The following UGP2 variants were observed in gnomAD, a reference collection of about 807,000 sequenced individuals.
UGP2 encodes UDP-glucose pyrophosphorylase 2.
UGP2 carries 40 observed loss-of-function variants against 49.0 expected under a neutral mutation model. That is an observed-to-expected ratio of 0.82 (90% confidence interval 0.63 to 1.06). The LOEUF (loss-of-function observed/expected upper bound fraction) is 1.06. Ranked by LOEUF, UGP2 falls within the 50% of genes least tolerant of loss-of-function variation. The pLI is 0.00. For synonymous variants in UGP2, 225 were observed against 213.0 expected (o/e 1.06, Z -0.49); for missense variants, 460 against 603.5 (o/e 0.76, Z 2.49).
chr2:63,848,262 C>T (rs1363758640), intron 1 of UGP2, among the ~76,000 whole-genome samples: 1 of 152,158 alleles, frequency 6.6e-6, no homozygotes, highest in African/African-American at 2.4e-5. Context: ...ATATTTTGAA[C>T]TTGGAGTAAT....
chr2:63,869,746 C>G (rs1291522762), intron 3 of UGP2, among the ~76,000 whole-genome samples: 1 of 152,084 alleles, frequency 6.6e-6, no homozygotes, highest in African/African-American at 2.4e-5. Flanking sequence ...GTTTGGAGGA[C>G]AGTGTTGGTG....
chr2:63,874,736 G>C (rs548745713), intron 3 of UGP2, among the ~76,000 whole-genome samples: 3 of 151,756 alleles, frequency 2.0e-5, no homozygotes, highest in Admixed American at 1.3e-4. Flanking sequence ...GGTAATGAAT[G>C]AGTTCTCGTT....
intron 1 of UGP2, chr2:63,855,323 A>G: frequency 2.5e-6 from 1 of 394,046 alleles, no homozygotes; most frequent in East Asian, 7.5e-5. Flanking sequence ...AACTATTTGA[A>G]TAGAAACTTT....
In UGP2 at chr2:63,857,921, AC is replaced by A. The variant is rs1441597493; in HGVS notation, c.245del (p.Pro82LeufsTer11). 6.2e-7 allele frequency: 1 copy of A among 1,613,700 alleles called. No individual in the cohort carries two copies. The highest frequency in any genetic ancestry group is 2.2e-5 in the East Asian group (1 of 44,848). On this transcript the variant is annotated frameshift_variant, in exon 3 of 10. Transcript: ENST00000337130. LOFTEE classifies it high-confidence loss of function. ...CTGTGGATTGGGGAAAAATCCAGAGACCCCCTGAAGATTCGGTAAGTTTTAG... is the reference window on the plus strand; with the variant it reads ...CTGTGGATTGGGGAAAAATCCAGAGACCCCTGAAGATTCGGTAAGTTTTAG... ...PSVDWGKIQR[P>X]PEDSIQPYEK...
At chr2:63,886,640 G>A in intron 7 of UGP2, 102 bp downstream of exon 7, 1 of 1,328,192 alleles carries the variant, frequency 7.5e-7, no homozygotes, top group Non-Finnish European at 1.0e-6. Flanking sequence ...CTATTCCATT[G>A]GTCACTCCCT....
At chr2:63,878,265 T>C (rs1432943206) in intron 3 of UGP2, among the ~76,000 whole-genome samples, 1 of 152,106 alleles carries the variant, frequency 6.6e-6, no homozygotes, top group Non-Finnish European at 1.5e-5. Flanking sequence ...ATTATGAGAG[T>C]GGCCCACCCT....
chr2:63,862,891 A>AC, intron 3 of UGP2: 1 of 456,056 alleles, frequency 2.2e-6, no homozygotes, highest in Non-Finnish European at 4.4e-6. Flanking sequence ...AGAGTCCTTT[A>AC]CTAAGGACTT....
At chr2:63,883,481 A>G (rs1671447369) in intron 4 of UGP2, 1 of 152,560 alleles carries the variant, frequency 6.6e-6, no homozygotes, top group Non-Finnish European at 1.5e-5. Flanking sequence ...GTGTGATTCA[A>G]AATTTTTGAT....
chr2:63,883,937 C>CT, intron 4 of UGP2, 23 bp from the exon 5 acceptor site: 1 of 1,589,302 alleles, frequency 6.3e-7, no homozygotes, highest in East Asian at 2.3e-5. Flanking sequence ...TCTGGGTAAT[C>CT]TAATTGTCAT....
rs757514709 is a variant in UGP2 at position 63,890,148 on chromosome 2, C to A, written c.1382C>A (p.Ser461Ter). ...CTTGAATTGGATCACCTCACAGTTT[C>A]AGGAGATGTGACATTTGGAAAAAAT... The part of the protein sequence containing the change: ...DMLELDHLTV[S>*]GDVTFGKNVS... Residue 461 changes from serine (S) to a stop codon, truncating the protein, a stop_gained, in exon 9 of 10, where the codon TCA becomes TAA. Coordinates refer to ENST00000337130, the MANE Select transcript of UGP2 (RefSeq NM_006759.4). LOFTEE classifies it high-confidence loss of function. 8.1e-6 allele frequency: 13 copies of A among 1,611,426 alleles called. No individual in the cohort carries two copies. In the Admixed American group the frequency reaches 2.0e-4, roughly 25 times the overall value.
At chr2:63,880,829 C>T (rs1036758345) in intron 3 of UGP2, among the ~76,000 whole-genome samples, 1 of 152,194 alleles carries the variant, frequency 6.6e-6, no homozygotes, top group Non-Finnish European at 1.5e-5. Flanking sequence ...TTCTTTCCTG[C>T]CTCCCTCCTC....
chr2:63,843,421 G>A (rs150277712), intron 1 of UGP2, among the ~76,000 whole-genome samples: 112 of 152,290 alleles, frequency 7.4e-4, no homozygotes, highest in African/African-American at 2.5e-3. Flanking sequence ...TGTTAGAAAC[G>A]TACTGGTTTT....
chr2:63,875,081 C>G (rs1670827522), intron 3 of UGP2, among the ~76,000 whole-genome samples: 1 of 152,116 alleles, frequency 6.6e-6, no homozygotes, highest in African/African-American at 2.4e-5. Flanking sequence ...TTCAAATGAT[C>G]CAGATTTTGG....
chr2:63,850,892 T>C (rs965045933), intron 1 of UGP2, among the ~76,000 whole-genome samples: 4 of 152,216 alleles, frequency 2.6e-5, no homozygotes, highest in African/African-American at 9.7e-5. Flanking sequence ...CATAATAGGC[T>C]CTTACTCATT....
chr2:63,843,818 C>G (rs947301246), intron 1 of UGP2, among the ~76,000 whole-genome samples: 7 of 152,224 alleles, frequency 4.6e-5, no homozygotes, highest in Non-Finnish European at 1.0e-4. Flanking sequence ...GTTCAGATTA[C>G]AGTTCCCATG....
At chr2:63,852,593 G>A (rs1360336691) in intron 1 of UGP2, among the ~76,000 whole-genome samples, 1 of 152,178 alleles carries the variant, frequency 6.6e-6, no homozygotes, top group South Asian at 2.1e-4. Context: ...GATATGATGG[G>A]GGTTGCAGCT....
Position 63,882,816 on chromosome 2 carries a change from A to G in UGP2, c.441+165A>G, listed in dbSNP as rs1165691429. On this transcript the variant is annotated intron_variant, in intron 4 of 9. Coordinates refer to ENST00000337130, the MANE Select transcript of UGP2 (RefSeq NM_006759.4). ...AAAAGGTTTAGTGTTCTTAAGGGCAAATCCTTAAGGTTATGTAAAGGCTTT... is the reference window on the plus strand; with the variant it reads ...AAAAGGTTTAGTGTTCTTAAGGGCAGATCCTTAAGGTTATGTAAAGGCTTT... 6.2e-6 allele frequency: 4 copies of G among 643,956 alleles called. No individual in the cohort carries two copies. In the African/African-American group the frequency reaches 7.3e-5, roughly 12 times the overall value. The allele number at this position is 643,956 out of a possible 1,614,324, so 39.9% of individuals were successfully genotyped here.
In UGP2 at chr2:63,857,814, C is replaced by T; in HGVS notation, c.148-15C>T. Reference sequence around the variant, plus strand: ...AGCATTCTGCTGGTTGTAACAATGACTTCTATTTTCACAGCACACCAAAAA... The same window carrying T: ...AGCATTCTGCTGGTTGTAACAATGATTTCTATTTTCACAGCACACCAAAAA... On this transcript the variant is annotated splice_polypyrimidine_tract_variant and intron_variant, in intron 2 of 9. Coordinates refer to ENST00000337130, the MANE Select transcript of UGP2 (RefSeq NM_006759.4). 6.2e-7 allele frequency: 1 copy of T among 1,608,362 alleles called. No homozygotes were observed. Among genetic ancestry groups the T allele is most frequent in the Non-Finnish European group, 8.5e-7 (1 of 1,176,916 alleles).
At position 63,842,221 on chromosome 2, in the gene UGP2, C is replaced by T. The variant is rs2104221494; in HGVS notation, c.19+17C>T. On this transcript the variant is annotated intron_variant, in intron 1 of 9. Coordinates refer to ENST00000337130, the MANE Select transcript of UGP2 (RefSeq NM_006759.4). ...TTGTACAAGGTAAGAAATGCTGCTGCTTATATCCCGAGTTGCTTCAGGCAA... is the reference window on the plus strand; with the variant it reads ...TTGTACAAGGTAAGAAATGCTGCTGTTTATATCCCGAGTTGCTTCAGGCAA... 2 of 1,609,176 alleles carry T rather than the reference C, an allele frequency of 1.2e-6. No homozygotes were observed. Among genetic ancestry groups the T allele is most frequent in the Non-Finnish European group, 1.7e-6 (2 of 1,178,752 alleles).
Sources: gnomAD v4.1 joint callset for allele counts (sites outside exome capture counted in the v4.1 genomes callset) on GRCh38, gnomAD v4.1.1 for gene constraint, MANE v1.5 for transcripts, NCBI Gene and HGNC (gene_info 2026-07-23, HGNC 2026-07-21) for gene names.